Variants in LOC400499 observed in about 807,000 individuals in gnomAD.
At chr16:11,394,268 A>C in the LOC400499 span, among the ~76,000 whole-genome samples, 1 of 152,122 alleles carries the variant, frequency 6.6e-6, no homozygotes, top group African/African-American at 2.4e-5. Context: ...CACGGCAGGG[A>C]CCAGGACAGG....
the LOC400499 span, among the ~76,000 whole-genome samples, chr16:11,481,542 C>T: frequency 8.9e-4 from 135 of 152,292 alleles, no homozygotes; most frequent in Middle Eastern, 3.4e-3. Context: ...AGGCTGGTCT[C>T]GAACTCCTCA....
chr16:11,439,991 G>A, the LOC400499 span, among the ~76,000 whole-genome samples: 1 of 152,046 alleles, frequency 6.6e-6, no homozygotes, highest in South Asian at 2.1e-4. Context: ...CAAAACTGAG[G>A]CTCAGTGGGA....
the LOC400499 span, chr16:11,441,112 CT>C: frequency 1.0e-5 from 4 of 398,810 alleles, no homozygotes; most frequent in Admixed American, 4.4e-5. Context: ...TGAGAGAGGT[CT>C]CATCCCATCT....
At chr16:11,479,804 C>T in the LOC400499 span, among the ~76,000 whole-genome samples, 1 of 152,154 alleles carries the variant, frequency 6.6e-6, no homozygotes, top group African/African-American at 2.4e-5. Context: ...ATTTACATTT[C>T]ACCAGTTTTT....
chr16:11,441,528 C>T, the LOC400499 span, among the ~76,000 whole-genome samples: 1 of 152,152 alleles, frequency 6.6e-6, no homozygotes, highest in Non-Finnish European at 1.5e-5. Context: ...ACACTCATTG[C>T]ACGATGACAT....
chr16:11,412,810 C>G, the LOC400499 span: 229 of 398,860 alleles, frequency 5.7e-4, no homozygotes, highest in African/African-American at 4.3e-3. Context: ...GTTCCTCCCC[C>G]GACTCCTCTC....
At chr16:11,430,546 T>C in the LOC400499 span, among the ~76,000 whole-genome samples, 3 of 151,876 alleles carry the variant, frequency 2.0e-5, no homozygotes, top group Admixed American at 1.3e-4. Flanking sequence ...AAAACACAAT[T>C]CAGGAATAAA....
chr16:11,407,740 G>A, the LOC400499 span, among the ~76,000 whole-genome samples: 1 of 152,108 alleles, frequency 6.6e-6, no homozygotes, highest in South Asian at 2.1e-4. Flanking sequence ...CCACTGAGAG[G>A]TGAGTGATCT....
At chr16:11,480,193 G>C in the LOC400499 span, among the ~76,000 whole-genome samples, 13 of 152,342 alleles carry the variant, frequency 8.5e-5, no homozygotes, top group Non-Finnish European at 1.9e-4. Context: ...CACTGATGCA[G>C]AATGTTTCTC....
At chr16:11,492,054 T>C in the LOC400499 span, among the ~76,000 whole-genome samples, 1 of 152,150 alleles carries the variant, frequency 6.6e-6, no homozygotes, top group East Asian at 1.9e-4. Flanking sequence ...TCCCAGTCTC[T>C]ACCAGCCCCA....
At chr16:11,425,764 G>A in the LOC400499 span, among the ~76,000 whole-genome samples, 1 of 152,080 alleles carries the variant, frequency 6.6e-6, no homozygotes, top group African/African-American at 2.4e-5. Flanking sequence ...TGGTAAAATC[G>A]ATCAGACGTT....
the LOC400499 span, among the ~76,000 whole-genome samples, chr16:11,422,497 A>G: frequency 4.1e-4 from 63 of 152,318 alleles, no homozygotes; most frequent in African/African-American, 1.5e-3. Context: ...GAAAACAAAC[A>G]GCAGCAACAG....
chr16:11,460,761 G>C, the LOC400499 span, among the ~76,000 whole-genome samples: 1 of 152,260 alleles, frequency 6.6e-6, no homozygotes, highest in Non-Finnish European at 1.5e-5. Flanking sequence ...TGTCGATGGG[G>C]AGGTGTTAAG....
chr16:11,437,881 T>C, the LOC400499 span, among the ~76,000 whole-genome samples: 1 of 152,068 alleles, frequency 6.6e-6, no homozygotes, highest in South Asian at 2.1e-4. Flanking sequence ...AAAATACTAA[T>C]GATAATAATG....
chr16:11,422,048 G>C, the LOC400499 span, among the ~76,000 whole-genome samples: 1 of 152,202 alleles, frequency 6.6e-6, no homozygotes, highest in Non-Finnish European at 1.5e-5. Context: ...TTCTCCGCCT[G>C]CCCCCAAAGT....
At chr16:11,388,240 G>C in the LOC400499 span, among the ~76,000 whole-genome samples, 2 of 152,128 alleles carry the variant, frequency 1.3e-5, no homozygotes, top group Admixed American at 1.3e-4. Flanking sequence ...CCACTCACCA[G>C]GTAGGTGAGT....
chr16:11,502,827 G>A, the LOC400499 span, among the ~76,000 whole-genome samples: 1 of 150,992 alleles, frequency 6.6e-6, no homozygotes, highest in African/African-American at 2.4e-5. Flanking sequence ...TGTTAGCCAG[G>A]ATGGTCTCGA....
the LOC400499 span, among the ~76,000 whole-genome samples, chr16:11,487,560 G>A: frequency 6.6e-6 from 1 of 152,128 alleles, no homozygotes; most frequent in Admixed American, 6.5e-5. Flanking sequence ...GGGAGTCCAG[G>A]ACACAGAGTC....
the LOC400499 span, among the ~76,000 whole-genome samples, chr16:11,487,688 C>T: frequency 6.6e-6 from 1 of 152,182 alleles, no homozygotes; most frequent in African/African-American, 2.4e-5. Flanking sequence ...AAGAGATTCC[C>T]TTTTTTATTT....
Sources: gnomAD v4.1 joint callset for allele counts (sites outside exome capture counted in the v4.1 genomes callset) on GRCh38, gnomAD v4.1.1 for gene constraint, MANE v1.5 for transcripts.